The following SNTG1 variants were observed in gnomAD, a reference collection of about 807,000 sequenced individuals.
SNTG1 encodes the protein syntrophin gamma 1.
In SNTG1, 39 loss-of-function variants were observed where a neutral mutation model predicts 74.7. The observed-to-expected ratio is 0.52, with a 90% CI of 0.40 to 0.68. The LOEUF (loss-of-function observed/expected upper bound fraction) is 0.68, where lower values mean the gene tolerates loss of function less well. SNTG1 is among the 30% of genes least tolerant of loss of function. The probability of loss-of-function intolerance (pLI) is 0.00; values close to 1 mark genes in which losing one functional copy is unlikely to be tolerated. For synonymous variants in SNTG1, 254 were observed against 217.1 expected, an observed-to-expected ratio of 1.17 and a Z score of -1.49; for missense variants, 685 against 609.5, an observed-to-expected ratio of 1.12 and a Z score of -1.30.
rs371487448 is a variant in SNTG1 at position 50,152,764 on chromosome 8, C to T, written c.-102-19797C>T. Among the ~76,000 whole-genome samples, 24 of 152,192 alleles carry T rather than the reference C, an allele frequency of 1.6e-4. No homozygotes were observed. In the East Asian group the frequency reaches 2.7e-3, roughly 17 times the overall value. ...CTCTCTTCTGGCTTGTAGTTTCTGC[C>T]GAGAGATCAGCTGTTAGTCTGATGG... On this transcript the variant is annotated intron_variant, in intron 1 of 18. Transcript: ENST00000642720.
intron 9 of SNTG1, among the ~76,000 whole-genome samples, chr8:50,515,575 C>T (rs1484329318): frequency 3.9e-5 from 6 of 152,022 alleles, no homozygotes; most frequent in African/African-American, 1.4e-4. Flanking sequence ...GCTGCCAGAA[C>T]AGCAGTCTGA....
At chr8:50,644,535 A>G (rs979199219) in intron 13 of SNTG1, 7 of 152,210 alleles carry the variant, frequency 4.6e-5, no homozygotes, top group African/African-American at 1.7e-4. Context: ...AGTATATATT[A>G]CATATAACTA....
chr8:50,792,163 A>G (rs1198071560), intron 18 of SNTG1, among the ~76,000 whole-genome samples: 1 of 151,628 alleles, frequency 6.6e-6, no homozygotes, highest in African/African-American at 2.4e-5. Flanking sequence ...TTATTTTTTG[A>G]AAGTGAACCA....
chr8:50,309,091 T>A (rs974917057), intron 2 of SNTG1, among the ~76,000 whole-genome samples: 4 of 152,052 alleles, frequency 2.6e-5, no homozygotes, highest in Non-Finnish European at 5.9e-5. Context: ...AAAAAAAAAT[T>A]TTCTAAAGCT....
intron 13 of SNTG1, among the ~76,000 whole-genome samples, chr8:50,593,621 C>T (rs1276851236): frequency 6.6e-6 from 1 of 151,956 alleles, no homozygotes; most frequent in Non-Finnish European, 1.5e-5. Flanking sequence ...TAGTGTATCT[C>T]CTACTTCACT....
intron 17 of SNTG1, among the ~76,000 whole-genome samples, chr8:50,710,563 C>A (rs886847466): frequency 6.6e-6 from 1 of 152,154 alleles, no homozygotes; most frequent in African/African-American, 2.4e-5. Flanking sequence ...AAGAATCTTA[C>A]ATTAGCGAAT....
intron 4 of SNTG1, among the ~76,000 whole-genome samples, chr8:50,429,330 A>T (rs1415423807): frequency 6.6e-6 from 1 of 152,170 alleles, no homozygotes; most frequent in Non-Finnish European, 1.5e-5. Context: ...GTTCAGAAAT[A>T]AACAAATTCA....
At chr8:50,412,968 G>C (rs2092968588) in intron 4 of SNTG1, among the ~76,000 whole-genome samples, 1 of 152,056 alleles carries the variant, frequency 6.6e-6, no homozygotes, top group Non-Finnish European at 1.5e-5. Context: ...GTTGAATTGA[G>C]ACCAAAAAAG....
intron 1 of SNTG1, among the ~76,000 whole-genome samples, chr8:50,153,177 T>C (rs552587357): frequency 6.6e-6 from 1 of 152,324 alleles, no homozygotes; most frequent in African/African-American, 2.4e-5. Flanking sequence ...ACTGATACCC[T>C]TTCTTCCACT....
chr8:50,058,845 G>A (rs575140401), intron 1 of SNTG1, among the ~76,000 whole-genome samples: 4 of 151,884 alleles, frequency 2.6e-5, no homozygotes, highest in East Asian at 3.9e-4. Flanking sequence ...AGCAGTCATC[G>A]CCACAAGAAT....
chr8:50,235,411 A>G (rs1308309868), intron 2 of SNTG1, among the ~76,000 whole-genome samples: 1 of 152,164 alleles, frequency 6.6e-6, no homozygotes, highest in Non-Finnish European at 1.5e-5. Context: ...AAATAGAATT[A>G]ATCATTCTGT....
At chr8:50,016,720 A>T (rs891272408) in intron 1 of SNTG1, among the ~76,000 whole-genome samples, 3 of 152,196 alleles carry the variant, frequency 2.0e-5, no homozygotes, top group Non-Finnish European at 2.9e-5. Flanking sequence ...TCTAAAATAA[A>T]CATAAAATAA....
chr8:50,319,370 A>G (rs1168416312), intron 2 of SNTG1, among the ~76,000 whole-genome samples: 1 of 151,948 alleles, frequency 6.6e-6, no homozygotes, highest in Non-Finnish European at 1.5e-5. Context: ...TCTCAAAAAT[A>G]AATAAATAAA....
At chr8:50,170,857 C>T (rs553306101) in intron 1 of SNTG1, among the ~76,000 whole-genome samples, 1 of 152,256 alleles carries the variant, frequency 6.6e-6, no homozygotes, top group East Asian at 1.9e-4. Context: ...CTAATGGGCA[C>T]CTCCTGGAGG....
chr8:50,339,956 A>C (rs2091271472), intron 2 of SNTG1, among the ~76,000 whole-genome samples: 1 of 152,014 alleles, frequency 6.6e-6, no homozygotes, highest in South Asian at 2.1e-4. Context: ...GGACACAGAT[A>C]GGTTAAAAGT....
At chr8:50,510,243 C>G (rs1440639187) in intron 9 of SNTG1, among the ~76,000 whole-genome samples, 2 of 152,102 alleles carry the variant, frequency 1.3e-5, no homozygotes, top group Non-Finnish European at 2.9e-5. Context: ...GTTGAGCCAG[C>G]CTTGCATCCC....
intron 1 of SNTG1, among the ~76,000 whole-genome samples, chr8:50,078,252 ATTCTAG>A (rs922252501): frequency 3.9e-5 from 6 of 152,262 alleles, no homozygotes; most frequent in Middle Eastern, 3.4e-3. Context: ...TATTTTGGCA[ATTCTAG>A]TTCCTTTGCA....
chr8:50,605,879 T>C (rs1563638932), intron 13 of SNTG1, among the ~76,000 whole-genome samples: 1 of 152,180 alleles, frequency 6.6e-6, no homozygotes, highest in Non-Finnish European at 1.5e-5. Context: ...AATAAAAACA[T>C]CTGTCATATT....
chr8:50,331,606 T>G (rs558760840), intron 2 of SNTG1, among the ~76,000 whole-genome samples: 2 of 151,968 alleles, frequency 1.3e-5, no homozygotes, highest in Non-Finnish European at 2.9e-5. Flanking sequence ...TCTTGGCAGG[T>G]GAGTGCTTCA....
Sources: allele counts gnomAD v4.1 joint callset (sites outside exome capture counted in the v4.1 genomes callset), GRCh38; gene constraint gnomAD v4.1.1; transcripts MANE v1.5; gene names NCBI Gene and HGNC (gene_info 2026-07-23, HGNC 2026-07-21).